Variants in USP34 observed in about 807,000 individuals in gnomAD.
The protein encoded by USP34 is ubiquitin carboxyl-terminal hydrolase 34.
Under a neutral mutation model 460.3 loss-of-function variants are expected in USP34, and 70 were observed. That is an observed-to-expected ratio of 0.15 (90% CI 0.13 to 0.19). The LOEUF is 0.19. USP34 is among the 10% of genes least tolerant of loss of function. USP34 has a pLI of 1.00. For missense variants in USP34, 3,985 were observed against 4,236.2 expected (o/e 0.94, Z 1.65); for synonymous variants, 1,647 against 1,405.3 (o/e 1.17, Z -3.85).
chr2:61,239,783 C>T (rs866268166), intron 53 of USP34, among the ~76,000 whole-genome samples: 3 of 152,142 alleles, frequency 2.0e-5, no homozygotes, highest in East Asian at 3.9e-4. Flanking sequence ...CCGAGATGGG[C>T]GGATCAGGAG....
At chr2:61,337,985 A>G (rs1467689641) in intron 18 of USP34, among the ~76,000 whole-genome samples, 5 of 152,248 alleles carry the variant, frequency 3.3e-5, no homozygotes, top group Non-Finnish European at 7.3e-5. Flanking sequence ...AAACCTATGT[A>G]AATGATGACA....
intron 72 of USP34, 80 bp downstream of exon 72, chr2:61,205,923 TCTTTCAAACACTAC>T: frequency 3.2e-6 from 3 of 924,598 alleles, no homozygotes; most frequent in Non-Finnish European, 5.0e-6. Flanking sequence ...AGCACAAGTA[TCTTTCAAACACTAC>T]AGGCTTAACA....
chr2:61,302,536 G>C (rs975365902), intron 27 of USP34, among the ~76,000 whole-genome samples: 1 of 152,076 alleles, frequency 6.6e-6, no homozygotes, highest in Non-Finnish European at 1.5e-5. Context: ...AAAATGGTTT[G>C]ACAAACGTTC....
Position 61,406,065 on chromosome 2 carries a change from T to A in USP34, c.195A>T (p.Ala65=), listed in dbSNP as rs754721948. The change falls in exon 3 of 80, where the codon GCA becomes GCT. Residue 65 remains alanine, a synonymous_variant. Transcript: ENST00000398571. ...CTTGGGCAATCACTAAGTTAATAAG[T>A]GCACACACTACTTGATTAAAAATCT... The part of the protein sequence containing the change: ...HLEIFNQVVC[A]LINLVIAQVQ... 6 of 1,613,646 alleles carry A rather than the reference T, an allele frequency of 3.7e-6. No homozygotes were observed. The highest frequency in any genetic ancestry group is 8.5e-7 in the Non-Finnish European group (1 of 1,179,948).
At chr2:61,462,892 G>A (rs1695647292) in intron 1 of USP34, among the ~76,000 whole-genome samples, 1 of 149,836 alleles carries the variant, frequency 6.7e-6, no homozygotes, top group African/African-American at 2.5e-5. Flanking sequence ...AGCCAGGTGT[G>A]CTGGTATACA....
chr2:61,319,444 T>G, intron 21 of USP34, 117 bp from the exon 22 acceptor site: 1 of 625,308 alleles, frequency 1.6e-6, no homozygotes, highest in Non-Finnish European at 2.4e-6. Flanking sequence ...TCTTGGAAAT[T>G]GCAATTTTAA....
intron 1 of USP34, among the ~76,000 whole-genome samples, chr2:61,451,036 G>A (rs1451506922): frequency 1.3e-5 from 2 of 151,092 alleles, no homozygotes; most frequent in East Asian, 2.0e-4. Context: ...TGGTCAACAT[G>A]GTGAAACCCC....
rs776311612 is a variant in USP34, at chr2:61,346,831, CAAAAAAA to C, written c.2285+1032_2285+1038del. Among the ~76,000 whole-genome samples, 13 of 29,794 alleles carry C rather than the reference CAAAAAAA, an allele frequency of 4.4e-4. No homozygotes were observed. The South Asian group carries it at 7.9e-3, about 18-fold the overall frequency. The allele number at this position is 29,794 out of a possible 152,430, so 19.5% of individuals were successfully genotyped here. The stretch of plus-strand genomic sequence containing the variant: ...TGGGTGACAGAGTGAGATTCCAACT[CAAAAAAA>C]AAAAAAAAAAAAAAAAAGGCCGGGC... On this transcript the variant is annotated intron_variant, in intron 15 of 79. Coordinates refer to ENST00000398571, the MANE Select transcript of USP34 (RefSeq NM_014709.4).
At chr2:61,322,980 G>C (rs979153965) in intron 21 of USP34, among the ~76,000 whole-genome samples, 3 of 152,084 alleles carry the variant, frequency 2.0e-5, no homozygotes, top group East Asian at 3.9e-4. Flanking sequence ...TTTTTTAAAA[G>C]ACTATAGTTA....
rs1558466000 is a variant in USP34, at chr2:61,206,879, T to C, written c.8927A>G (p.Asn2976Ser). The change falls in exon 71 of 80, where the codon AAC (asparagine) becomes AGC (serine). Residue 2976 changes from asparagine (N) to serine (S), a missense_variant. Asn to Ser is a conservative substitution (Grantham distance 46). This residue lies in a region of USP34 where 275 missense variants were observed against 292.7 expected (regional missense o/e 0.94). Coordinates refer to ENST00000398571, the MANE Select transcript of USP34 (RefSeq NM_014709.4). ...RGLILMTESF[N>S]TLHMMYHEAT... ...TTCGTGATACATCATGTGCAAAGTGTTGAAAGACTACAAATGATTTGAAAA... is the reference window on the plus strand; with the variant it reads ...TTCGTGATACATCATGTGCAAAGTGCTGAAAGACTACAAATGATTTGAAAA... 1 of 1,603,582 alleles carries C rather than the reference T, an allele frequency of 6.2e-7. No homozygotes were observed. Among genetic ancestry groups the C allele is most frequent in the Non-Finnish European group, 8.5e-7 (1 of 1,177,484 alleles).
intron 67 of USP34, among the ~76,000 whole-genome samples, chr2:61,218,373 C>T (rs144910086): frequency 4.7e-5 from 7 of 150,102 alleles, no homozygotes; most frequent in African/African-American, 1.7e-4. Flanking sequence ...TCCATGTGTT[C>T]ACGCCACTGA....
chr2:61,381,883 G>C (rs1385695994), intron 6 of USP34, among the ~76,000 whole-genome samples: 3 of 152,044 alleles, frequency 2.0e-5, no homozygotes, highest in South Asian at 2.1e-4. Flanking sequence ...TCAAAGTCTT[G>C]TCTTTAAGTT....
At chr2:61,286,296 T>C (rs540244143) in intron 34 of USP34, among the ~76,000 whole-genome samples, 2 of 152,304 alleles carry the variant, frequency 1.3e-5, no homozygotes, top group African/African-American at 4.8e-5. Context: ...CATACTAAGC[T>C]GGAATTATTT....
At chr2:61,368,428 T>G (rs567037198) in intron 10 of USP34, among the ~76,000 whole-genome samples, 1 of 148,774 alleles carries the variant, frequency 6.7e-6, no homozygotes, top group South Asian at 2.1e-4. Context: ...CAAGACTCCA[T>G]CTCAAAAAAA....
intron 1 of USP34, among the ~76,000 whole-genome samples, chr2:61,450,825 T>G (rs1368402406): frequency 6.6e-6 from 1 of 151,280 alleles, no homozygotes; most frequent in African/African-American, 2.4e-5. Context: ...ATGTCAACTC[T>G]TACCCCACTT....
chr2:61,293,994 G>A (rs1230521995), intron 32 of USP34, among the ~76,000 whole-genome samples: 2 of 152,028 alleles, frequency 1.3e-5, no homozygotes, highest in Non-Finnish European at 2.9e-5. Flanking sequence ...CAGCCTGGGT[G>A]ACAAGGTGAG....
At chr2:61,307,593 A>T (rs1301927651) in intron 27 of USP34, among the ~76,000 whole-genome samples, 1 of 152,034 alleles carries the variant, frequency 6.6e-6, no homozygotes, top group African/African-American at 2.4e-5. Flanking sequence ...AGGATAAAAA[A>T]CCTCATGACC....
chr2:61,239,306 A>ACT (rs1558484237), intron 53 of USP34, among the ~76,000 whole-genome samples: 6 of 87,616 alleles, frequency 6.8e-5, no homozygotes, highest in Non-Finnish European at 1.2e-4. Context: ...CCTGTCACAC[A>ACT]CACACACACA....
chr2:61,268,438 T>TAAAAAA (rs35618230), intron 41 of USP34, among the ~76,000 whole-genome samples: 7 of 53,374 alleles, frequency 1.3e-4, no homozygotes, highest in African/African-American at 2.2e-4. Context: ...GAGCTGTTGT[T>TAAAAAA]AAAAAAAAAA....
Sources: gnomAD v4.1 joint callset for allele counts (sites outside exome capture counted in the v4.1 genomes callset) on GRCh38, gnomAD v4.1.1 for gene constraint, gnomAD v4.1.1 regional missense constraint, MANE v1.5 for transcripts, NCBI Gene and HGNC (gene_info 2026-07-23, HGNC 2026-07-21) for gene names.